The following ZNF69 variants were observed in gnomAD, a reference collection of about 807,000 sequenced individuals.
ZNF69 encodes ZNF3.
ZNF69 carries 47 observed loss-of-function variants against 50.9 expected under a neutral mutation model. That is an observed-to-expected ratio of 0.92 (90% CI 0.73 to 1.18). The LOEUF is 1.18. ZNF69 is among the 50% of genes most tolerant of loss of function. ZNF69 has a pLI of 0.00. For missense variants in ZNF69, 717 were observed against 675.1 expected, an observed-to-expected ratio of 1.06 and a Z score of -0.69; for synonymous variants, 216 against 223.1, an observed-to-expected ratio of 0.97 and a Z score of 0.29.
chr19:11,899,263 C>T (rs563271653), intron 1 of ZNF69, among the ~76,000 whole-genome samples: 2 of 152,276 alleles, frequency 1.3e-5, no homozygotes, highest in African/African-American at 4.8e-5. Context: ...GAAGGTCTCT[C>T]GATACCTTTG....
At chr19:11,910,797 G>C (rs946492062), downstream of ZNF69, among the ~76,000 whole-genome samples, 6 of 152,152 alleles carry the variant, frequency 3.9e-5, no homozygotes, top group African/African-American at 1.4e-4. Context: ...AAAAGCAATG[G>C]CAACAAATGC....
chr19:11,949,681 TATC>T, the ZNF69 span: 1 of 1,607,400 alleles, frequency 6.2e-7, no homozygotes, highest in Admixed American at 1.7e-5. Context: ...TTCCCTTCGA[TATC>T]ATGAAAGGAC....
rs541767236 is a variant in ZNF69, at chr19:11,906,302, T to C, written c.*204T>C. The C allele has an allele frequency of 3.6e-6, 5 of 1,391,224 alleles. No homozygotes were observed. The South Asian group carries it at 8.5e-5, about 24-fold the overall frequency. The allele number at this position is 1,391,224 out of a possible 1,614,324, so 86.2% of individuals were successfully genotyped here. A position where few individuals can be genotyped will look rare whatever the true frequency, so the allele number is the denominator to read the frequency against. ...AAACTTCTGCAGACTTAAATGTCCCTGTCTGACAGCTTTGAAGAGAGTAGC... is the reference window on the plus strand; with the variant it reads ...AAACTTCTGCAGACTTAAATGTCCCCGTCTGACAGCTTTGAAGAGAGTAGC... On this transcript the variant is annotated 3_prime_UTR_variant, in exon 4 of 4. Transcript: ENST00000429654.
At chr19:11,925,953 G>C in the ZNF69 span, among the ~76,000 whole-genome samples, 1 of 152,194 alleles carries the variant, frequency 6.6e-6, no homozygotes, top group African/African-American at 2.4e-5. Flanking sequence ...TGCCTGAAAG[G>C]TGTAAGTTCC....
the ZNF69 span, chr19:11,950,200 CAT>C: frequency 3.1e-5 from 50 of 1,613,400 alleles, 1 homozygote; most frequent in East Asian, 5.1e-4. Context: ...CGCAAGGACT[CAT>C]ATGGGAGAGA....
chr19:11,971,926 G>T, the ZNF69 span, among the ~76,000 whole-genome samples: 1 of 152,122 alleles, frequency 6.6e-6, no homozygotes, highest in Non-Finnish European at 1.5e-5. Flanking sequence ...GCCAGGCGTG[G>T]TGGCAGAGGC....
the ZNF69 span, among the ~76,000 whole-genome samples, chr19:11,943,351 C>A: frequency 6.6e-6 from 1 of 152,180 alleles, no homozygotes; most frequent in South Asian, 2.1e-4. Flanking sequence ...TAGGGCCAGT[C>A]TATTTTGATA....
At chr19:11,898,673 G>A (rs1331263240) in intron 1 of ZNF69, among the ~76,000 whole-genome samples, 1 of 152,080 alleles carries the variant, frequency 6.6e-6, no homozygotes, top group African/African-American at 2.4e-5. Context: ...ACAGGCGTGA[G>A]CCACCACGCC....
chr19:11,952,831 T>G, the ZNF69 span, among the ~76,000 whole-genome samples: 4 of 152,146 alleles, frequency 2.6e-5, no homozygotes, highest in Non-Finnish European at 5.9e-5. Context: ...CCCAGCACTT[T>G]GGGAGGCTGA....
the ZNF69 span, among the ~76,000 whole-genome samples, chr19:11,954,914 TAAG>T: frequency 2.0e-5 from 3 of 151,116 alleles, no homozygotes; most frequent in East Asian, 1.9e-4. Context: ...ATTGGAAAGA[TAAG>T]AAAATTTTGC....
chr19:11,908,275 T>G (rs769409597), downstream of ZNF69, among the ~76,000 whole-genome samples: 1 of 152,056 alleles, frequency 6.6e-6, no homozygotes, highest in Non-Finnish European at 1.5e-5. Context: ...AGACAGAAAG[T>G]TAACAAGGAT....
chr19:11,918,637 A>T (rs1473816788), downstream of ZNF69, among the ~76,000 whole-genome samples: 1 of 151,980 alleles, frequency 6.6e-6, no homozygotes, highest in Non-Finnish European at 1.5e-5. Context: ...AATTTTTTGT[A>T]GAGACAAGGG....
At chr19:11,948,247 CT>C in the ZNF69 span, 1 of 1,602,408 alleles carries the variant, frequency 6.2e-7, no homozygotes, top group Non-Finnish European at 8.5e-7. Flanking sequence ...TAAACAAACC[CT>C]TCATGATGTG....
At chr19:11,950,197 A>G in the ZNF69 span, 2 of 1,613,762 alleles carry the variant, frequency 1.2e-6, no homozygotes, top group Admixed American at 1.7e-5. Context: ...ACACGCAAGG[A>G]CTCATATGGG....
chr19:11,967,105 C>G, the ZNF69 span, among the ~76,000 whole-genome samples: 1 of 152,148 alleles, frequency 6.6e-6, no homozygotes, highest in Non-Finnish European at 1.5e-5. Flanking sequence ...AAGGCCAAGG[C>G]GGGAGGATCA....
the ZNF69 span, among the ~76,000 whole-genome samples, chr19:11,940,994 A>T: frequency 6.6e-6 from 1 of 151,614 alleles, no homozygotes; most frequent in African/African-American, 2.4e-5. Context: ...CAGAGTGCCG[A>T]TTGGTGTATT....
chr19:11,979,190 A>G, the ZNF69 span: 4 of 1,612,374 alleles, frequency 2.5e-6, no homozygotes, highest in African/African-American at 2.7e-5. Flanking sequence ...GAGAAACCCT[A>G]TAAATGCATG....
chr19:11,978,012 G>A, the ZNF69 span: 1 of 1,408,722 alleles, frequency 7.1e-7, no homozygotes, highest in Non-Finnish European at 9.7e-7. Context: ...AGCCAGGGCA[G>A]AAAGCCTACA....
intron 1 of ZNF69, among the ~76,000 whole-genome samples, chr19:11,903,296 G>A (rs536241721): frequency 6.6e-6 from 1 of 152,270 alleles, no homozygotes; most frequent in East Asian, 1.9e-4. Context: ...GGTGGCACAT[G>A]CCTGTAATCT....
Sources: allele counts gnomAD v4.1 joint callset (sites outside exome capture counted in the v4.1 genomes callset), GRCh38; gene constraint gnomAD v4.1.1; transcripts MANE v1.5; gene names NCBI Gene and HGNC (gene_info 2026-07-23, HGNC 2026-07-21).